The following EFCAB6 variants were observed in gnomAD, a reference collection of about 807,000 sequenced individuals.
EFCAB6 encodes EF-hand calcium binding domain 6.
A neutral mutation model predicts 169.8 loss-of-function variants in EFCAB6; 156 were observed. The observed-to-expected ratio is 0.92, with a 90% CI of 0.81 to 1.05. The LOEUF is 1.05. Among genes scored for constraint, EFCAB6 ranks in the 50% least tolerant of loss-of-function variants. The pLI is 0.00. For missense variants in EFCAB6, 1,800 were observed against 1,829.1 expected, an observed-to-expected ratio of 0.98 and a Z score of 0.29; for synonymous variants, 698 against 676.4, an observed-to-expected ratio of 1.03 and a Z score of -0.50.
At chr22:43,614,804 T>C (rs558931300) in intron 21 of EFCAB6, among the ~76,000 whole-genome samples, 1 of 152,340 alleles carries the variant, frequency 6.6e-6, no homozygotes, top group East Asian at 1.9e-4. Flanking sequence ...CAGTCCACTC[T>C]ATAGAGTCCA....
Position 43,744,899 on chromosome 22 carries a change from G to T in EFCAB6, c.508-8906C>A, listed in dbSNP as rs1007135408. On this transcript the variant is annotated intron_variant, in intron 6 of 31. Transcript: ENST00000262726. The surrounding 1 kb of genome is among the most constrained non-coding windows in gnomAD (Gnocchi z 4.3). ...CACTCCAGGGCCCTCGGGCTTGGAG[G>T]AGCTGAGAAGGGCGTGCTGAACCAG... Among the ~76,000 whole-genome samples, 2 of 152,166 alleles carry T rather than the reference G, an allele frequency of 1.3e-5. No individual in the cohort carries two copies. Among genetic ancestry groups the T allele is most frequent in the Non-Finnish European group, 2.9e-5 (2 of 68,022 alleles).
chr22:43,689,699 C>T (rs9614261), intron 10 of EFCAB6, among the ~76,000 whole-genome samples: 34,449 of 151,968 alleles, frequency 0.23, 5,136 homozygotes, highest in East Asian at 0.61. Context: ...TAGAGGAGGC[C>T]GAAACTTAGT....
chr22:43,539,993 G>T (rs2047602610), intron 28 of EFCAB6, 134 bp downstream of exon 28: 3 of 918,888 alleles, frequency 3.3e-6, no homozygotes, highest in South Asian at 3.3e-5. Context: ...CCTTGCATGT[G>T]CCCCCACCCC....
At chr22:43,565,488 C>T (rs2049364485) in intron 26 of EFCAB6, among the ~76,000 whole-genome samples, 2 of 152,180 alleles carry the variant, frequency 1.3e-5, no homozygotes, top group South Asian at 4.1e-4. Context: ...GCTTTTTAGG[C>T]ATCAGTGTTC....
At chr22:43,662,466 C>T (rs2057053564) in intron 17 of EFCAB6, among the ~76,000 whole-genome samples, 1 of 152,116 alleles carries the variant, frequency 6.6e-6, no homozygotes, top group South Asian at 2.1e-4. Flanking sequence ...TAAGTGCAGC[C>T]TCTGTTTAAA....
chr22:43,688,807 G>A (rs2058296445), intron 10 of EFCAB6, among the ~76,000 whole-genome samples: 1 of 152,180 alleles, frequency 6.6e-6, no homozygotes, highest in Non-Finnish European at 1.5e-5. Context: ...TAACAGGATG[G>A]CAAAAAGTAG....
At chr22:43,630,754 C>G (rs2054881623) in intron 19 of EFCAB6, among the ~76,000 whole-genome samples, 2 of 152,236 alleles carry the variant, frequency 1.3e-5, no homozygotes, top group African/African-American at 4.8e-5. Context: ...GGACCAGGCA[C>G]TCCCCACTTA....
At chr22:43,634,920 C>T (rs1453589232) in intron 18 of EFCAB6, among the ~76,000 whole-genome samples, 182 bp downstream of exon 18, 1 of 152,168 alleles carries the variant, frequency 6.6e-6, no homozygotes, top group African/African-American at 2.4e-5. Flanking sequence ...TCTGCACTCA[C>T]AGTTCTGAAT....
chr22:43,755,795 T>C lies in EFCAB6; in HGVS notation c.478A>G (p.Arg160Gly), dbSNP rs2060937362. The C allele has an allele frequency of 1.2e-6, 2 of 1,607,420 alleles. No homozygotes were observed. Among genetic ancestry groups the C allele is most frequent in the South Asian group, 1.1e-5 (1 of 88,766 alleles). ...TCTCCCACTTGGATTTCAAGTTCTC[T>C]TAATGTGCGGCAGCAATTCATTTCA... The part of the protein sequence containing the change: ...GNEMNCCRTL[R>G]ELEIQVGEKV... The change falls in exon 6 of 32, where the codon AGA becomes GGA. Residue 160 changes from arginine (R) to glycine (G), a missense_variant. Coordinates refer to ENST00000262726, the MANE Select transcript of EFCAB6 (RefSeq NM_022785.4).
At chr22:43,797,365 G>C (rs1467973076) in intron 2 of EFCAB6, 2 of 152,560 alleles carry the variant, frequency 1.3e-5, no homozygotes, top group Non-Finnish European at 2.9e-5. Context: ...AAAAATAAGA[G>C]AGCAATGGGG....
intron 20 of EFCAB6, 47 bp from the exon 21 acceptor site, chr22:43,615,969 C>T (rs967882693): frequency 6.7e-6 from 10 of 1,495,514 alleles, no homozygotes; most frequent in Non-Finnish European, 9.1e-6. Context: ...ATTTAATGGG[C>T]TCATTAATCT....
intron 20 of EFCAB6, among the ~76,000 whole-genome samples, chr22:43,617,942 A>C (rs1254533166): frequency 6.6e-6 from 1 of 151,780 alleles, no homozygotes; most frequent in Non-Finnish European, 1.5e-5. Context: ...TCTCTACTAA[A>C]AATACAAAAA....
Position 43,538,845 on chromosome 22 carries a change from G to GAACACCACTATTAT in EFCAB6, c.3879+1281_3879+1282insATAATAGTGGTGTT, listed in dbSNP as rs1217722419. Among the ~76,000 whole-genome samples the GAACACCACTATTAT allele has an allele frequency of 5.6e-4, 86 of 152,330 alleles. No homozygotes were observed. In the East Asian group the frequency reaches 0.014, roughly 25 times the overall value. Reference sequence around the variant, plus strand: ...GTAACAGATTTCCGTGAATTTAGTGGCTTAAAACAACACCAACTTATTATC... The same window carrying GAACACCACTATTAT: ...GTAACAGATTTCCGTGAATTTAGTGGAACACCACTATTATCTTAAAACAACACCAACTTATTATC... On this transcript the variant is annotated intron_variant, in intron 28 of 31. Coordinates refer to ENST00000262726, the MANE Select transcript of EFCAB6 (RefSeq NM_022785.4).
At chr22:43,786,507 G>T (rs1359647546) in intron 2 of EFCAB6, among the ~76,000 whole-genome samples, 1 of 151,960 alleles carries the variant, frequency 6.6e-6, no homozygotes, top group Non-Finnish European at 1.5e-5. Flanking sequence ...AGATCACGAG[G>T]TCAGGAGATC....
At chr22:43,661,864 C>T (rs1357727675) in intron 17 of EFCAB6, among the ~76,000 whole-genome samples, 1 of 152,142 alleles carries the variant, frequency 6.6e-6, no homozygotes, top group African/African-American at 2.4e-5. Flanking sequence ...TGCCTGTAAT[C>T]CCAGCACTCT....
rs780805261 is a variant in EFCAB6, at chr22:43,530,984, G to A, written c.4234-20C>T. On this transcript the variant is annotated intron_variant, in intron 30 of 31. Transcript: ENST00000262726. ...TTCTTTCTAGACACAAGACAAGAAG[G>A]GGTGAGGAGGGAGCTTTTGAACACG... The A allele has an allele frequency of 7.0e-7, 1 of 1,438,446 alleles. No homozygotes were observed. The highest frequency in any genetic ancestry group is 1.1e-5 in the South Asian group (1 of 87,584). 89.1% of individuals were successfully genotyped at this position (1,438,446 alleles called of 1,614,324 possible).
chr22:43,709,006 G>A (rs978883309), intron 10 of EFCAB6, among the ~76,000 whole-genome samples: 2 of 152,052 alleles, frequency 1.3e-5, no homozygotes, highest in South Asian at 2.1e-4. Flanking sequence ...CCCAAAACAC[G>A]CATTCTATGC....
intron 13 of EFCAB6, among the ~76,000 whole-genome samples, chr22:43,676,211 A>G (rs1216089955): frequency 6.6e-6 from 1 of 151,930 alleles, no homozygotes; most frequent in African/African-American, 2.4e-5. Context: ...AGGTCAGGAG[A>G]TCGAGACCAT....
At position 43,538,458 on chromosome 22, in the gene EFCAB6, G is replaced by A. The variant is rs1000552259; in HGVS notation, c.3880-913C>T. 3.3e-5 allele frequency among the ~76,000 whole-genome samples: 5 copies of A among 152,062 alleles called. No individual in the cohort carries two copies. In the East Asian group the frequency reaches 5.8e-4, roughly 18 times the overall value. Reference sequence around the variant, plus strand: ...GGCTGGAGTGCAGTGGTGCAATCTCGGCTCACTGCAACCTCCGCTTCCCAG... The same window carrying A: ...GGCTGGAGTGCAGTGGTGCAATCTCAGCTCACTGCAACCTCCGCTTCCCAG... On this transcript the variant is annotated intron_variant, in intron 28 of 31. Transcript: ENST00000262726.
Sources: allele counts gnomAD v4.1 joint callset (sites outside exome capture counted in the v4.1 genomes callset), GRCh38; gene constraint gnomAD v4.1.1; non-coding constraint Gnocchi (gnomAD v3.1); transcripts MANE v1.5; gene names NCBI Gene and HGNC (gene_info 2026-07-23, HGNC 2026-07-21).